The following TMEM114 variants were observed in gnomAD, a reference collection of about 807,000 sequenced individuals.
TMEM114 encodes transmembrane protein 114, also known as claudin-26.
Under a neutral mutation model 6.2 loss-of-function variants are expected in TMEM114, and 6 were observed. The observed-to-expected ratio is 0.97, with a 90% CI of 0.53 to 1.91. TMEM114 has a LOEUF of 1.91. Ranked by LOEUF, TMEM114 falls within the 40% of genes most tolerant of loss-of-function variation. The pLI, the probability that TMEM114 is intolerant of heterozygous loss-of-function variation, is 0.01. For missense variants in TMEM114, 218 were observed against 158.3 expected (o/e 1.38, Z -2.02); for synonymous variants, 104 against 73.0 (o/e 1.42, Z -2.16).
chr16:8,552,511 C>G (rs909671190), intron 2 of TMEM114, among the ~76,000 whole-genome samples: 1 of 150,912 alleles, frequency 6.6e-6, no homozygotes, highest in South Asian at 2.1e-4. Context: ...CAAAACTGCA[C>G]ACACACACAC....
rs1900412658 is a variant in TMEM114 at position 8,538,064 on chromosome 16, C to G, written n.213-238G>C. ...CTGTAATCCTGGCACTTTGTGAGGC[C>G]AGGGCAGGTAGATTTCTTGAGCCCA... is the stretch of plus-strand genomic sequence containing the variant. On this transcript the variant is annotated intron_variant and non_coding_transcript_variant, in intron 2 of 2. Coordinates refer to the TMEM114 transcript ENST00000623677. Among the ~76,000 whole-genome samples the G allele has an allele frequency of 2.3e-5, 3 of 130,946 alleles. No individual in the cohort carries two copies. In the Admixed American group the frequency reaches 2.9e-4, roughly 12 times the overall value. 85.9% of individuals were successfully genotyped at this position (130,946 alleles called of 152,430 possible). A position where few individuals can be genotyped will look rare whatever the true frequency, so the allele number is the denominator to read the frequency against.
rs151235209 is a variant in TMEM114 at position 8,548,425 on chromosome 16, T to G, written n.213-10599A>C. Among the ~76,000 whole-genome samples, 470 of 152,336 alleles carry G rather than the reference T, an allele frequency of 3.1e-3. 1 individual carries two copies. Among genetic ancestry groups the G allele is most frequent in the African/African-American group, 0.011 (437 of 41,584 alleles). On this transcript the variant is annotated intron_variant and non_coding_transcript_variant, in intron 2 of 2. Coordinates refer to the TMEM114 transcript ENST00000623677. ...TCTCAGATACTAGCCATGTACAGCATGGCTTTACAACCTTTTATTATTATT... is the reference window on the plus strand; with the variant it reads ...TCTCAGATACTAGCCATGTACAGCAGGGCTTTACAACCTTTTATTATTATT...
chr16:8,577,215 C>G (rs966007987), intron 2 of TMEM114, among the ~76,000 whole-genome samples: 2 of 152,268 alleles, frequency 1.3e-5, no homozygotes, highest in Non-Finnish European at 2.9e-5. Flanking sequence ...TCCCTTCCCT[C>G]TACTCTGCAG....
downstream of TMEM114, among the ~76,000 whole-genome samples, chr16:8,534,332 T>G (rs1358057881): frequency 6.8e-6 from 1 of 147,272 alleles, no homozygotes; most frequent in Non-Finnish European, 1.5e-5. Context: ...TCATTAAAAT[T>G]TAATGCAATT....
chr16:8,556,320 G>A (rs541605049), intron 2 of TMEM114, among the ~76,000 whole-genome samples: 1 of 152,258 alleles, frequency 6.6e-6, no homozygotes, highest in East Asian at 1.9e-4. Context: ...GGGCACAAAA[G>A]TATCGCCTCC....
intron 2 of TMEM114, among the ~76,000 whole-genome samples, chr16:8,551,552 C>G (rs1900844676): frequency 6.6e-6 from 1 of 152,188 alleles, no homozygotes; most frequent in East Asian, 1.9e-4. Flanking sequence ...GTGGCCAAAG[C>G]AAAGAGAGAA....
At chr16:8,579,549 G>T (rs975164712) in intron 2 of TMEM114, among the ~76,000 whole-genome samples, 3 of 152,144 alleles carry the variant, frequency 2.0e-5, no homozygotes, top group Admixed American at 6.6e-5. Flanking sequence ...TATGGAAAGA[G>T]CAGGAGTCTC....
downstream of TMEM114, among the ~76,000 whole-genome samples, chr16:8,564,873 G>C (rs1250086492): frequency 2.8e-5 from 1 of 35,998 alleles, no homozygotes; most frequent in Non-Finnish European, 5.5e-5. Flanking sequence ...GAATGAGGGA[G>C]GGAGGGAGTG....
chr16:8,573,058 C>T (rs934826218), intron 2 of TMEM114, among the ~76,000 whole-genome samples: 2 of 152,192 alleles, frequency 1.3e-5, no homozygotes, highest in African/African-American at 2.4e-5. Context: ...CTCATGCAAG[C>T]TTTCTGGGTT....
At chr16:8,573,814 G>A (rs72780546) in intron 2 of TMEM114, among the ~76,000 whole-genome samples, 14,812 of 152,174 alleles carry the variant, frequency 0.097, 861 homozygotes, top group South Asian at 0.14. Context: ...ATAGGGACAG[G>A]CATTTATTAC....
chr16:8,564,109 A>C (rs1222147008), intron 2 of TMEM114, among the ~76,000 whole-genome samples: 50 of 144,850 alleles, frequency 3.5e-4, no homozygotes, highest in African/African-American at 1.2e-3. Context: ...GAGTGAGGAA[A>C]TAAGTAAGTG....
At chr16:8,577,157 G>A (rs1250054332) in intron 2 of TMEM114, among the ~76,000 whole-genome samples, 3 of 152,246 alleles carry the variant, frequency 2.0e-5, no homozygotes, top group African/African-American at 7.2e-5. Context: ...ATCTTGACAT[G>A]AGGACCATAG....
At chr16:8,568,470 T>A (rs904103055), downstream of TMEM114, among the ~76,000 whole-genome samples, 2 of 152,080 alleles carry the variant, frequency 1.3e-5, no homozygotes, top group African/African-American at 2.4e-5. Context: ...GTCATGATGT[T>A]TGTTGAATGA....
chr16:8,550,392 C>G (rs1218373334), intron 2 of TMEM114, among the ~76,000 whole-genome samples: 2 of 152,172 alleles, frequency 1.3e-5, no homozygotes, highest in Non-Finnish European at 2.9e-5. Context: ...AAAATCTGGT[C>G]CCTCCTGGCC....
At chr16:8,565,446 G>A (rs1901508955), downstream of TMEM114, among the ~76,000 whole-genome samples, 3 of 152,148 alleles carry the variant, frequency 2.0e-5, no homozygotes, top group Admixed American at 1.3e-4. Flanking sequence ...TTTGCCAGGG[G>A]TTCCAGCCAG....
At chr16:8,568,341 C>G (rs1009077106), downstream of TMEM114, among the ~76,000 whole-genome samples, 2 of 152,150 alleles carry the variant, frequency 1.3e-5, no homozygotes, top group African/African-American at 4.8e-5. Context: ...GACTGACCGA[C>G]TGGCGTGGAG....
intron 2 of TMEM114, among the ~76,000 whole-genome samples, chr16:8,576,742 G>A (rs377640756): frequency 3.3e-5 from 5 of 150,450 alleles, no homozygotes; most frequent in African/African-American, 4.9e-5. Flanking sequence ...AAGGAAGGAA[G>A]GAAGGAAGGA....
At chr16:8,567,097 T>C (rs1015044891), downstream of TMEM114, among the ~76,000 whole-genome samples, 7 of 150,234 alleles carry the variant, frequency 4.7e-5, no homozygotes, top group Admixed American at 3.3e-4. Context: ...TTAGTAGAGA[T>C]GGGGTTTCAC....
intron 2 of TMEM114, among the ~76,000 whole-genome samples, chr16:8,545,713 G>T (rs1465682974): frequency 6.6e-6 from 1 of 152,192 alleles, no homozygotes; most frequent in African/African-American, 2.4e-5. Context: ...TTGAGAATCA[G>T]TGAGCTATCT....
Sources: allele counts gnomAD v4.1 joint callset (sites outside exome capture counted in the v4.1 genomes callset), GRCh38; gene constraint gnomAD v4.1.1; transcripts MANE v1.5; gene names NCBI Gene and HGNC (gene_info 2026-07-23, HGNC 2026-07-21).